The following VPS33B variants were observed in gnomAD, a reference collection of about 807,000 sequenced individuals.
The protein encoded by VPS33B is vacuolar protein sorting-associated protein 33B.
Under a neutral mutation model 95.3 loss-of-function variants are expected in VPS33B, and 80 were observed. The observed-to-expected ratio is 0.84, with a 90% CI of 0.70 to 1.01. VPS33B has a LOEUF of 1.01. Ranked by LOEUF, VPS33B falls within the 50% of genes least tolerant of loss-of-function variation. The pLI, the probability that VPS33B is intolerant of heterozygous loss-of-function variation, is 0.00. For synonymous variants in VPS33B, 280 were observed against 280.4 expected (o/e 1.00, Z 0.01); for missense variants, 715 against 773.4 (o/e 0.92, Z 0.90).
Position 90,999,470 on chromosome 15 carries a change from C to A in VPS33B, c.1774+207G>T. The A allele has an allele frequency of 1.6e-6, 1 of 641,262 alleles. No homozygotes were observed. The highest frequency in any genetic ancestry group is 2.8e-6 in the Non-Finnish European group (1 of 352,312). The allele number at this position is 641,262 out of a possible 1,614,324, so 39.7% of individuals were successfully genotyped here. A position where few individuals can be genotyped will look rare whatever the true frequency, so the allele number is the denominator to read the frequency against. On this transcript the variant is annotated intron_variant, in intron 22 of 22. Transcript: ENST00000333371. The surrounding 1 kb of genome is among the most constrained non-coding windows in gnomAD (Gnocchi z 5.1). ...AGTAGTTAGCATTACAGGCACCGGCCACCATGCCTGGCTAATTTTTGTATT... is the reference window on the plus strand; with the variant it reads ...AGTAGTTAGCATTACAGGCACCGGCAACCATGCCTGGCTAATTTTTGTATT...
chr15:91,007,369 G>T lies in VPS33B; in HGVS notation c.603+100C>A, dbSNP rs180907623. 1,906 of 1,159,798 alleles carry T rather than the reference G, an allele frequency of 1.6e-3. 19 individuals carry two copies. The highest frequency in any genetic ancestry group is 6.9e-3 in the Middle Eastern group (35 of 5,044). The allele number at this position is 1,159,798 out of a possible 1,614,324, so 71.8% of individuals were successfully genotyped here. ...TCCAGAACAATGAAAGCAAAGTAAAGAATACACCTCATATCACAGGTGCCC... is the reference window on the plus strand; with the variant it reads ...TCCAGAACAATGAAAGCAAAGTAAATAATACACCTCATATCACAGGTGCCC... On this transcript the variant is annotated intron_variant, in intron 8 of 22. Coordinates refer to ENST00000333371, the MANE Select transcript of VPS33B (RefSeq NM_018668.5). The surrounding 1 kb of genome is among the most constrained non-coding windows in gnomAD (Gnocchi z 5.3).
chr15:91,007,620 A>C lies in VPS33B; in HGVS notation c.499-47T>G. On this transcript the variant is annotated intron_variant, in intron 7 of 22. Transcript: ENST00000333371. This position sits in a 1 kb window ranked among gnomAD's most constrained non-coding sequence, Gnocchi z 5.3. Reference sequence around the variant, plus strand: ...CAAAGATATGAATCAACCCAGTAGGACCACCTGGAAAGTGGCTAGCCCTAG... The same window carrying C: ...CAAAGATATGAATCAACCCAGTAGGCCCACCTGGAAAGTGGCTAGCCCTAG... 6.3e-7 allele frequency: 1 copy of C among 1,596,640 alleles called. No individual in the cohort carries two copies. Among genetic ancestry groups the C allele is most frequent in the Non-Finnish European group, 8.6e-7 (1 of 1,164,248 alleles).
intron 5 of VPS33B, among the ~76,000 whole-genome samples, chr15:91,012,030 C>A (rs897435618): frequency 1.4e-5 from 2 of 138,666 alleles, no homozygotes; most frequent in Non-Finnish European, 3.2e-5. Context: ...CAAGACAAGA[C>A]AAAACACCAA....
Position 91,002,219 on chromosome 15 carries a change from CA to C in VPS33B, c.1273-38del. ...GCAATTAGACTATTTACTGAGTGTCCAAAGAGCATCTAGTACTGTCAGGTAC... is the reference window on the plus strand; with the variant it reads ...GCAATTAGACTATTTACTGAGTGTCCAAGAGCATCTAGTACTGTCAGGTAC... On this transcript the variant is annotated intron_variant, in intron 17 of 22. Coordinates refer to ENST00000333371, the MANE Select transcript of VPS33B (RefSeq NM_018668.5). The surrounding 1 kb of genome is among the most constrained non-coding windows in gnomAD (Gnocchi z 4.7). 1 of 1,612,514 alleles carries C rather than the reference CA, an allele frequency of 6.2e-7. No homozygotes were observed. The highest frequency in any genetic ancestry group is 8.5e-7 in the Non-Finnish European group (1 of 1,179,366).
In VPS33B at chr15:91,018,166, T is replaced by G. The variant is rs2040996995; in HGVS notation, c.97-281A>C. ...TCAACCCTTCTGCTCACCTGTGACC[T>G]TGGTCTGCACCTCACTCCCCTTCTC... On this transcript the variant is annotated intron_variant, in intron 1 of 22. Transcript: ENST00000333371. This position sits in a 1 kb window ranked among gnomAD's most constrained non-coding sequence, Gnocchi z 4.7. 4.4e-6 allele frequency: 2 copies of G among 450,704 alleles called. No individual in the cohort carries two copies. The highest frequency in any genetic ancestry group is 8.3e-6 in the Non-Finnish European group (2 of 241,802). 27.9% of individuals were successfully genotyped at this position (450,704 alleles called of 1,614,324 possible). A position where few individuals can be genotyped will look rare whatever the true frequency, so the allele number is the denominator to read the frequency against.
rs769392394 is a variant in VPS33B at position 90,999,995 on chromosome 15, G to A, written c.1582-20C>T. The A allele has an allele frequency of 3.1e-6, 5 of 1,614,008 alleles. No homozygotes were observed. The South Asian group carries it at 4.4e-5, about 14-fold the overall frequency. ...TAGCACCTGGGAAGGTGTAAGCACT[G>A]TTTTTAAGGCTACAGACAGTATCAG... On this transcript the variant is annotated intron_variant, in intron 20 of 22. Transcript: ENST00000333371. This position sits in a 1 kb window ranked among gnomAD's most constrained non-coding sequence, Gnocchi z 5.1.
rs1215956042 is a variant in VPS33B, at chr15:91,002,929, A to G, written c.1272+156T>C. On this transcript the variant is annotated intron_variant, in intron 17 of 22. Transcript: ENST00000333371. The surrounding 1 kb of genome is among the most constrained non-coding windows in gnomAD (Gnocchi z 4.7). ...GGGTAGAGGGCAGAGAGGCGTGCTGAAAGGTGACTCTCCCTAGTAGCTCTA... is the reference window on the plus strand; with the variant it reads ...GGGTAGAGGGCAGAGAGGCGTGCTGGAAGGTGACTCTCCCTAGTAGCTCTA... Among the ~76,000 whole-genome samples, 1 of 152,168 alleles carries G rather than the reference A, an allele frequency of 6.6e-6. No homozygotes were observed. The highest frequency in any genetic ancestry group is 1.5e-5 in the Non-Finnish European group (1 of 68,026).
chr15:91,014,819 G>A (rs1221380399), intron 3 of VPS33B, among the ~76,000 whole-genome samples: 1 of 152,186 alleles, frequency 6.6e-6, no homozygotes, highest in Non-Finnish European at 1.5e-5. Flanking sequence ...GGGCATGGTG[G>A]CTCACACCTG....
In VPS33B at chr15:91,006,585, C is replaced by A; in HGVS notation, c.778+67G>T. 1 of 1,609,910 alleles carries A rather than the reference C, an allele frequency of 6.2e-7. No homozygotes were observed. The highest frequency in any genetic ancestry group is 1.1e-5 in the South Asian group (1 of 90,994). On this transcript the variant is annotated intron_variant, in intron 10 of 22. Coordinates refer to ENST00000333371, the MANE Select transcript of VPS33B (RefSeq NM_018668.5). This position sits in a 1 kb window ranked among gnomAD's most constrained non-coding sequence, Gnocchi z 5.4. The stretch of plus-strand genomic sequence containing the variant: ...TGGGTCTCTCCCACAAACCCTGCCC[C>A]ACGTGGGAGGTGCCAAGGCTGATGA...
intron 1 of VPS33B, among the ~76,000 whole-genome samples, chr15:91,020,689 T>C (rs2041077224): frequency 6.6e-6 from 1 of 152,176 alleles, no homozygotes; most frequent in Non-Finnish European, 1.5e-5. Flanking sequence ...GAGACCAGCC[T>C]GGCCAACATG....
rs144393436 is a variant in VPS33B, at chr15:91,006,307, G to T, written c.852+65C>A. The stretch of plus-strand genomic sequence containing the variant: ...GGGGCCCACAGCCTGGTATAAGCAG[G>T]GGGCCCACAGCCTGGTATAAGCAGT... On this transcript the variant is annotated intron_variant, in intron 11 of 22. Coordinates refer to ENST00000333371, the MANE Select transcript of VPS33B (RefSeq NM_018668.5). The surrounding 1 kb of genome is among the most constrained non-coding windows in gnomAD (Gnocchi z 5.4). 8 of 1,111,820 alleles carry T rather than the reference G, an allele frequency of 7.2e-6. No homozygotes were observed. Among genetic ancestry groups the T allele is most frequent in the Non-Finnish European group, 9.4e-6 (8 of 851,788 alleles). 68.9% of individuals were successfully genotyped at this position (1,111,820 alleles called of 1,614,324 possible). A position where few individuals can be genotyped will look rare whatever the true frequency, so the allele number is the denominator to read the frequency against.
At chr15:91,012,196 T>C (rs1244945079) in intron 5 of VPS33B, among the ~76,000 whole-genome samples, 3 of 152,176 alleles carry the variant, frequency 2.0e-5, no homozygotes, top group Non-Finnish European at 4.4e-5. Flanking sequence ...GCCCTGGTAA[T>C]AATACTTCAC....
In VPS33B at chr15:91,002,009, G is replaced by T; in HGVS notation, c.1405+41C>A. ...CATGCTGCGTGTTGAGAGAAGTCAG[G>T]ACAACAGCTGGAGCAGGGGTCACTT... On this transcript the variant is annotated intron_variant, in intron 18 of 22. Coordinates refer to ENST00000333371, the MANE Select transcript of VPS33B (RefSeq NM_018668.5). This position sits in a 1 kb window ranked among gnomAD's most constrained non-coding sequence, Gnocchi z 4.7. 1 of 1,612,686 alleles carries T rather than the reference G, an allele frequency of 6.2e-7. No homozygotes were observed. Among genetic ancestry groups the T allele is most frequent in the African/African-American group, 1.3e-5 (1 of 75,002 alleles).
chr15:91,020,837 C>A (rs1235003969), intron 1 of VPS33B, among the ~76,000 whole-genome samples: 1 of 152,188 alleles, frequency 6.6e-6, no homozygotes, highest in African/African-American at 2.4e-5. Context: ...GCCAAGATCG[C>A]GCCACTGCAC....
rs1224710181 is a variant in VPS33B at position 90,999,058 on chromosome 15, A to C, written c.1775-4T>G. ...GTCAGGAAAATGAACCTGTAGCCTA[A>C]GGAGTCAAATGCAGCAGCAGAAGAG... On this transcript the variant is annotated splice_region_variant and splice_polypyrimidine_tract_variant and intron_variant, in intron 22 of 22. Transcript: ENST00000333371. This position sits in a 1 kb window ranked among gnomAD's most constrained non-coding sequence, Gnocchi z 5.1. 1.5e-5 allele frequency: 24 copies of C among 1,613,958 alleles called. No homozygotes were observed. The highest frequency in any genetic ancestry group is 1.9e-5 in the Non-Finnish European group (22 of 1,180,000).
At position 91,015,981 on chromosome 15, in the gene VPS33B, T is replaced by C. The variant is rs1488345566; in HGVS notation, c.239+982A>G. On this transcript the variant is annotated intron_variant, in intron 3 of 22. Transcript: ENST00000333371. The surrounding 1 kb of genome is among the most constrained non-coding windows in gnomAD (Gnocchi z 4.7). ...ATGTACATTAATTAAGTTTCAGAAA[T>C]ACTTTAAAATCAAGACAACAGCTGT... Among the ~76,000 whole-genome samples the C allele has an allele frequency of 6.6e-6, 1 of 152,136 alleles. No homozygotes were observed. Among genetic ancestry groups the C allele is most frequent in the Non-Finnish European group, 1.5e-5 (1 of 68,028 alleles).
rs2040705295 is a variant in VPS33B at position 91,009,255 on chromosome 15, C to G, written c.403+546G>C. Among the ~76,000 whole-genome samples, 2 of 151,042 alleles carry G rather than the reference C, an allele frequency of 1.3e-5. No individual in the cohort carries two copies. The highest frequency in any genetic ancestry group is 4.9e-5 in the African/African-American group (2 of 40,706). On this transcript the variant is annotated intron_variant, in intron 6 of 22. Transcript: ENST00000333371. The surrounding 1 kb of genome is among the most constrained non-coding windows in gnomAD (Gnocchi z 4.1). ...TTTTCTTATCCTTTCTTTTCCCTCC[C>G]TCCCTCTCTCTCTTTCTCTCTTTTC...
At chr15:91,014,606 C>T (rs1365015115) in intron 3 of VPS33B, among the ~76,000 whole-genome samples, 173 bp from the exon 4 acceptor site, 1 of 152,182 alleles carries the variant, frequency 6.6e-6, no homozygotes, top group Admixed American at 6.6e-5. Flanking sequence ...AGATACCTCT[C>T]AACACAATGG....
intron 3 of VPS33B, among the ~76,000 whole-genome samples, 165 bp from the exon 4 acceptor site, chr15:91,014,598 A>T (rs1305450941): frequency 6.6e-6 from 1 of 152,202 alleles, no homozygotes; most frequent in African/African-American, 2.4e-5. Flanking sequence ...ACCACAGAAG[A>T]TACCTCTCAA....
Sources: allele counts gnomAD v4.1 joint callset (sites outside exome capture counted in the v4.1 genomes callset), GRCh38; gene constraint gnomAD v4.1.1; non-coding constraint Gnocchi (gnomAD v3.1); transcripts MANE v1.5; gene names NCBI Gene and HGNC (gene_info 2026-07-23, HGNC 2026-07-21).